The following SIL1 variants were observed in gnomAD, a reference collection of about 807,000 sequenced individuals.
SIL1 encodes the protein nucleotide exchange factor SIL1.
Under a neutral mutation model 49.1 loss-of-function variants are expected in SIL1, and 40 were observed. That is an observed-to-expected ratio of 0.81 (90% CI 0.63 to 1.06). The LOEUF (loss-of-function observed/expected upper bound fraction) is 1.06. SIL1 is among the 50% of genes least tolerant of loss of function. The pLI is 0.00. For synonymous variants in SIL1, 253 were observed against 250.8 expected (o/e 1.01, Z -0.08); for missense variants, 500 against 572.6 (o/e 0.87, Z 1.29).
Position 139,042,726 on chromosome 5 carries a change from A to G in SIL1, c.354-7T>C. The G allele has an allele frequency of 6.2e-7, 1 of 1,613,618 alleles. No individual in the cohort carries two copies. Among genetic ancestry groups the G allele is most frequent in the East Asian group, 2.2e-5 (1 of 44,894 alleles). On this transcript the variant is annotated splice_polypyrimidine_tract_variant and splice_region_variant and intron_variant, in intron 4 of 9. Transcript: ENST00000394817. ...GTTGGTGTTGATATCCAGCCTGTCC[A>G]AAGAAAACTGAGAGTAAAGAGGGAG...
At chr5:139,080,801 A>C (rs1486142521) in intron 3 of SIL1, among the ~76,000 whole-genome samples, 1 of 152,220 alleles carries the variant, frequency 6.6e-6, no homozygotes, top group Non-Finnish European at 1.5e-5. Flanking sequence ...GTGATTCATC[A>C]TATTTCCCTT....
intron 1 of SIL1, among the ~76,000 whole-genome samples, chr5:139,136,197 C>T (rs894705201): frequency 2.0e-5 from 3 of 152,316 alleles, no homozygotes; most frequent in African/African-American, 4.8e-5. Flanking sequence ...GAGCTTAAGG[C>T]TCAATCTTTA....
At chr5:139,189,677 C>G (rs1254137363) in intron 1 of SIL1, among the ~76,000 whole-genome samples, 1 of 151,992 alleles carries the variant, frequency 6.6e-6, no homozygotes, top group South Asian at 2.1e-4. Context: ...CAAAAATTAG[C>G]GGGTGTGGTG....
chr5:139,145,593 G>A (rs1751174934), intron 1 of SIL1, among the ~76,000 whole-genome samples: 1 of 151,458 alleles, frequency 6.6e-6, no homozygotes, highest in Admixed American at 6.6e-5. Context: ...TCACAGATAA[G>A]TGGATTTTTA....
intron 1 of SIL1, among the ~76,000 whole-genome samples, chr5:139,170,383 A>G (rs1290197051): frequency 4.0e-5 from 6 of 149,688 alleles, no homozygotes; most frequent in South Asian, 4.3e-4. Context: ...GAAAGTGAGG[A>G]GCGTCTCTGC....
At chr5:139,000,213 T>C (rs1211704386) in intron 7 of SIL1, among the ~76,000 whole-genome samples, 3 of 152,206 alleles carry the variant, frequency 2.0e-5, no homozygotes, top group South Asian at 4.1e-4. Flanking sequence ...TCAGCATCCA[T>C]TGAAATGATT....
At chr5:139,136,702 AG>A (rs909043551) in intron 1 of SIL1, among the ~76,000 whole-genome samples, 6 of 152,194 alleles carry the variant, frequency 3.9e-5, no homozygotes, top group African/African-American at 1.4e-4. Context: ...TAGAGGCACA[AG>A]GGTAGGCCAC....
At chr5:139,163,377 T>C (rs1399807155) in intron 1 of SIL1, among the ~76,000 whole-genome samples, 1 of 152,176 alleles carries the variant, frequency 6.6e-6, no homozygotes, top group Non-Finnish European at 1.5e-5. Flanking sequence ...TTTTCGGTTT[T>C]TTCTTTTGTG....
chr5:139,143,302 TATATACACAC>T (rs1286351152), intron 1 of SIL1, among the ~76,000 whole-genome samples: 4 of 71,822 alleles, frequency 5.6e-5, no homozygotes, highest in South Asian at 3.7e-4. Context: ...TGTATATACA[TATATACACAC>T]ACACACACAC....
At chr5:139,131,855 G>A (rs1393707524) in intron 1 of SIL1, 1 of 152,334 alleles carries the variant, frequency 6.6e-6, no homozygotes, top group African/African-American at 2.4e-5. Context: ...GATGGTTCCT[G>A]AGAGGGCACA....
At chr5:139,018,459 GCGTACCT>G (rs1213309092) in intron 7 of SIL1, among the ~76,000 whole-genome samples, 3 of 151,756 alleles carry the variant, frequency 2.0e-5, no homozygotes, top group African/African-American at 7.3e-5. Flanking sequence ...ATGTGGTGCC[GCGTACCT>G]GTAGTCCCAG....
intron 4 of SIL1, among the ~76,000 whole-genome samples, chr5:139,043,375 A>T (rs1263036625): frequency 6.6e-6 from 1 of 152,178 alleles, no homozygotes; most frequent in Admixed American, 6.5e-5. Flanking sequence ...ATGCACCCTT[A>T]TCTATTAATA....
At chr5:139,160,677 A>G (rs1751494775) in intron 1 of SIL1, among the ~76,000 whole-genome samples, 1 of 152,086 alleles carries the variant, frequency 6.6e-6, no homozygotes, top group African/African-American at 2.4e-5. Flanking sequence ...TCAAAATGCA[A>G]AAATTAGCTG....
intron 4 of SIL1, among the ~76,000 whole-genome samples, chr5:139,046,197 G>T (rs1304870541): frequency 6.6e-6 from 1 of 152,148 alleles, no homozygotes; most frequent in Middle Eastern, 3.2e-3. Context: ...TGTGGTGGCA[G>T]GCACCTGTAA....
intron 5 of SIL1, among the ~76,000 whole-genome samples, chr5:139,027,950 G>T (rs1050989442): frequency 2.6e-5 from 4 of 152,060 alleles, no homozygotes; most frequent in Non-Finnish European, 5.9e-5. Context: ...TCTTAAAAAA[G>T]ACCAAGCTCC....
chr5:139,078,291 T>A (rs1001057427), intron 3 of SIL1, among the ~76,000 whole-genome samples: 18 of 151,882 alleles, frequency 1.2e-4, no homozygotes, highest in Admixed American at 1.1e-3. Context: ...CAAAAAAAAA[T>A]TTTTTAAGTT....
In SIL1 at chr5:139,037,778, G is replaced by T. The variant is rs190197203; in HGVS notation, c.453+4842C>A. 2.5e-3 allele frequency among the ~76,000 whole-genome samples: 384 copies of T among 152,224 alleles called. 1 individual carries two copies. Among genetic ancestry groups the T allele is most frequent in the Non-Finnish European group, 4.5e-3 (305 of 68,020 alleles). On this transcript the variant is annotated intron_variant, in intron 5 of 9. Transcript: ENST00000394817. ...TGCTTGCTGAAGCAATTTTATAATA[G>T]TTGTTTTAAAATTCTTGTTAGATGA...
At chr5:138,955,252 T>C (rs1766877083) in intron 7 of SIL1, among the ~76,000 whole-genome samples, 1 of 152,196 alleles carries the variant, frequency 6.6e-6, no homozygotes, top group Non-Finnish European at 1.5e-5. Context: ...TCATCTCCGA[T>C]GCGATAAATG....
In SIL1 at chr5:139,041,520, A is replaced by G. The variant is rs79021699; in HGVS notation, c.453+1100T>C. Among the ~76,000 whole-genome samples, 86 of 152,218 alleles carry G rather than the reference A, an allele frequency of 5.6e-4. No homozygotes were observed. In the East Asian group the frequency reaches 0.014, roughly 25 times the overall value. ...GTGAAGAGGTAAATAAAGGCAAATG[A>G]GTGCCCAGCACGGTGGTTCATGCCT... On this transcript the variant is annotated intron_variant, in intron 5 of 9. Coordinates refer to ENST00000394817, the MANE Select transcript of SIL1 (RefSeq NM_022464.5).
Sources: gnomAD v4.1 joint callset for allele counts (sites outside exome capture counted in the v4.1 genomes callset) on GRCh38, gnomAD v4.1.1 for gene constraint, MANE v1.5 for transcripts, NCBI Gene and HGNC (gene_info 2026-07-23, HGNC 2026-07-21) for gene names.